Variants in DPYD observed in about 807,000 individuals in gnomAD.
DPYD encodes the protein dihydropyrimidine dehydrogenase [NADP(+)].
DPYD carries 109 observed loss-of-function variants against 116.2 expected under a neutral mutation model. That is an observed-to-expected ratio of 0.94 (90% confidence interval 0.80 to 1.10). DPYD has a LOEUF of 1.10. Ranked by LOEUF, DPYD falls within the 50% of genes least tolerant of loss-of-function variation. DPYD has a pLI of 0.00. For synonymous variants in DPYD, 440 were observed against 432.0 expected (o/e 1.02, Z -0.23); for missense variants, 1,302 against 1,254.5 (o/e 1.04, Z -0.57).
intron 18 of DPYD, among the ~76,000 whole-genome samples, chr1:97,290,918 A>C (rs1327913116): frequency 2.0e-5 from 3 of 151,832 alleles, no homozygotes; most frequent in Non-Finnish European, 4.4e-5. Flanking sequence ...AATGGGAGAA[A>C]ATTTTCACAA....
chr1:97,262,217 A>G (rs924150396), intron 18 of DPYD, among the ~76,000 whole-genome samples: 24 of 152,048 alleles, frequency 1.6e-4, no homozygotes, highest in Non-Finnish European at 3.4e-4. Context: ...AGGTATATCC[A>G]TTGGAAAGAA....
At chr1:97,416,637 T>G (rs766770032) in intron 14 of DPYD, among the ~76,000 whole-genome samples, 4 of 152,210 alleles carry the variant, frequency 2.6e-5, no homozygotes, top group Non-Finnish European at 5.9e-5. Context: ...GGTAGAAAGC[T>G]TCACATTATT....
At chr1:97,348,722 T>G (rs1344386959) in intron 16 of DPYD, among the ~76,000 whole-genome samples, 1 of 152,120 alleles carries the variant, frequency 6.6e-6, no homozygotes, top group African/African-American at 2.4e-5. Context: ...AAAAAGAATG[T>G]GATAAAGACC....
At position 97,497,441 on chromosome 1, in the gene DPYD, C is replaced by T. The variant is rs192276809; in HGVS notation, c.1740+18285G>A. Among the ~76,000 whole-genome samples, 25 of 151,780 alleles carry T rather than the reference C, an allele frequency of 1.6e-4. 1 individual carries two copies. In the East Asian group the frequency reaches 4.8e-3, roughly 29 times the overall value. On this transcript the variant is annotated intron_variant, in intron 13 of 22. Coordinates refer to ENST00000370192, the MANE Select transcript of DPYD (RefSeq NM_000110.4). ...TTTCTAACAGAACTGGGTCAAATTGCCCCTGATGACCACACTTTCTGAATA... is the reference window on the plus strand; with the variant it reads ...TTTCTAACAGAACTGGGTCAAATTGTCCCTGATGACCACACTTTCTGAATA...
intron 14 of DPYD, among the ~76,000 whole-genome samples, chr1:97,385,960 C>T (rs192035012): frequency 2.6e-5 from 4 of 152,214 alleles, no homozygotes; most frequent in Non-Finnish European, 5.9e-5. Flanking sequence ...TGAGGCACTA[C>T]AATTGGACTT....
At chr1:97,142,326 C>G (rs1654287472) in intron 20 of DPYD, among the ~76,000 whole-genome samples, 1 of 152,028 alleles carries the variant, frequency 6.6e-6, no homozygotes, top group South Asian at 2.1e-4. Context: ...CTTGAAAATT[C>G]TGACAAATAT....
chr1:97,214,649 T>C (rs564436876), intron 19 of DPYD, among the ~76,000 whole-genome samples: 14 of 152,322 alleles, frequency 9.2e-5, no homozygotes, highest in Middle Eastern at 3.4e-3. Context: ...CTTCAACCAA[T>C]GCATGACAGA....
chr1:97,842,347 C>T (rs1015527779), intron 2 of DPYD, among the ~76,000 whole-genome samples: 10 of 151,850 alleles, frequency 6.6e-5, no homozygotes, highest in African/African-American at 2.4e-4. Flanking sequence ...ATTAAATTGT[C>T]AGTGCATATG....
chr1:97,625,610 T>C (rs1439487498), intron 8 of DPYD, among the ~76,000 whole-genome samples: 1 of 151,900 alleles, frequency 6.6e-6, no homozygotes, highest in Non-Finnish European at 1.5e-5. Flanking sequence ...TCAACATGAC[T>C]GGTGCCCTAA....
intron 8 of DPYD, among the ~76,000 whole-genome samples, chr1:97,632,989 C>A (rs191398413): frequency 1.3e-5 from 2 of 152,148 alleles, no homozygotes; most frequent in Non-Finnish European, 2.9e-5. Context: ...CAGAAACACA[C>A]GTAATCTTAG....
rs1336778564 is a variant in DPYD, at chr1:97,079,012, C to T, written c.3042G>A (p.Lys1014=). The change falls in exon 23 of 23, where the codon AAG becomes AAA. Residue 1014 remains lysine (K), a synonymous_variant. Coordinates refer to ENST00000370192, the MANE Select transcript of DPYD (RefSeq NM_000110.4). ...GATTCACAGATAAGGGTACGCCTCT[C>T]TTTGGTTCATAAGGTGTTGTCCTGG... ...MVSRTTPYEP[K]RGVPLSVNPV... 2 of 1,613,590 alleles carry T rather than the reference C, an allele frequency of 1.2e-6. No homozygotes were observed. Among genetic ancestry groups the T allele is most frequent in the Non-Finnish European group, 1.7e-6 (2 of 1,179,694 alleles).
chr1:97,251,594 T>C (rs968771023), intron 18 of DPYD, among the ~76,000 whole-genome samples: 3 of 151,982 alleles, frequency 2.0e-5, no homozygotes, highest in Non-Finnish European at 2.9e-5. Flanking sequence ...TGAAATTTTC[T>C]TGAGAGCAAT....
intron 8 of DPYD, among the ~76,000 whole-genome samples, chr1:97,636,404 C>T (rs917734946): frequency 3.3e-5 from 5 of 152,056 alleles, no homozygotes; most frequent in Non-Finnish European, 2.9e-5. Context: ...CTACCGCTTA[C>T]AGCTGTGTTA....
chr1:97,903,476 A>G (rs1291212240), intron 1 of DPYD, among the ~76,000 whole-genome samples: 1 of 151,864 alleles, frequency 6.6e-6, no homozygotes, highest in Non-Finnish European at 1.5e-5. Context: ...TTTTGTCATA[A>G]CCAGAATCTT....
intron 12 of DPYD, among the ~76,000 whole-genome samples, chr1:97,524,513 C>T (rs1385000951): frequency 6.6e-6 from 1 of 152,054 alleles, no homozygotes; most frequent in South Asian, 2.1e-4. Context: ...TCAGAAAAGG[C>T]CTATTCAAAA....
At chr1:97,821,410 G>T (rs1212493455) in intron 3 of DPYD, among the ~76,000 whole-genome samples, 2 of 151,362 alleles carry the variant, frequency 1.3e-5, no homozygotes, top group African/African-American at 4.9e-5. Context: ...TTTATCACAG[G>T]GGCTAAAATA....
intron 4 of DPYD, among the ~76,000 whole-genome samples, chr1:97,735,253 T>C (rs1463170524): frequency 6.6e-6 from 1 of 151,896 alleles, no homozygotes; most frequent in African/African-American, 2.4e-5. Context: ...TAATAAAAAT[T>C]CAATGAACAT....
intron 8 of DPYD, among the ~76,000 whole-genome samples, chr1:97,626,592 T>C (rs142521435): frequency 1.3e-5 from 2 of 152,082 alleles, no homozygotes; most frequent in African/African-American, 4.8e-5. Context: ...ATGTGATATA[T>C]ACATTTCACA....
chr1:97,668,736 G>A (rs1244502977), intron 8 of DPYD, among the ~76,000 whole-genome samples: 1 of 151,880 alleles, frequency 6.6e-6, no homozygotes, highest in Non-Finnish European at 1.5e-5. Flanking sequence ...AACTTAACCA[G>A]GGAGAAATTA....
Sources: gnomAD v4.1 joint callset for allele counts (sites outside exome capture counted in the v4.1 genomes callset) on GRCh38, gnomAD v4.1.1 for gene constraint, MANE v1.5 for transcripts, NCBI Gene and HGNC (gene_info 2026-07-23, HGNC 2026-07-21) for gene names.